Variants in APC observed in about 807,000 individuals in gnomAD.
APC encodes APC regulator of Wnt signaling pathway, also known as adenomatous polyposis coli protein.
A neutral mutation model predicts 247.0 loss-of-function variants in APC; 72 were observed. The ratio of observed to expected loss-of-function variants is 0.29; its 90% CI spans 0.24 to 0.35. APC has a LOEUF of 0.35. Ranked by LOEUF, APC falls within the 10% of genes least tolerant of loss-of-function variation. The pLI, the probability that APC is intolerant of heterozygous loss-of-function variation, is 1.00. For missense variants in APC, 3,400 were observed against 3,360.7 expected (o/e 1.01, Z -0.29); for synonymous variants, 1,254 against 1,162.5 (o/e 1.08, Z -1.60).
At chr5:112,784,731 C>G (rs560462562) in intron 6 of APC, among the ~76,000 whole-genome samples, 1 of 152,082 alleles carries the variant, frequency 6.6e-6, no homozygotes, top group East Asian at 1.9e-4. Context: ...TATGGGATCT[C>G]ATTTGCAAGG....
intron 2 of APC, among the ~76,000 whole-genome samples, chr5:112,758,148 T>TA (rs1755200873): frequency 6.6e-6 from 1 of 152,116 alleles, no homozygotes; most frequent in South Asian, 2.1e-4. Flanking sequence ...CATACTTAGG[T>TA]ATATGTTTGA....
chr5:112,757,142 A>C (rs1342354144), intron 2 of APC, among the ~76,000 whole-genome samples: 6 of 152,194 alleles, frequency 3.9e-5, no homozygotes, highest in Admixed American at 3.9e-4. Context: ...CATCTTGTGA[A>C]TCCATTAACA....
At chr5:112,757,535 C>A (rs1173400419) in intron 2 of APC, among the ~76,000 whole-genome samples, 1 of 152,052 alleles carries the variant, frequency 6.6e-6, no homozygotes, top group Non-Finnish European at 1.5e-5. Flanking sequence ...GAATTTGAGA[C>A]CAGCCTGGGC....
At chr5:112,754,824 C>T (rs1257563861) in intron 1 of APC, 49 bp from the exon 2 acceptor site, 1 of 1,579,928 alleles carries the variant, frequency 6.3e-7, no homozygotes, top group Non-Finnish European at 8.7e-7. Context: ...AAACAAGCAG[C>T]CACTAAATTT....
At position 112,840,813 on chromosome 5, in the gene APC, C is replaced by G; in HGVS notation, c.5219C>G (p.Pro1740Arg). ...ATGCCCAAAGGGAAAAGTCACAAGC[C>G]TTTCCGTGTGAAAAAGATAATGGAC... ...SAMPKGKSHK[P>R]FRVKKIMDQV... is the part of the protein sequence containing the mutation. The change falls in exon 16 of 16, where the codon CCT becomes CGT. Residue 1740 changes from proline to arginine, a missense_variant. Around this residue, in one of 9 missense-constraint regions of APC, gnomAD observed 1,788 missense variants for 1,649.5 expected, o/e 1.08. Coordinates refer to ENST00000257430, the MANE Select transcript of APC (RefSeq NM_000038.6). This position sits in a 1 kb window ranked among gnomAD's most constrained non-coding sequence, Gnocchi z 4.1. The G allele has an allele frequency of 6.2e-7, 1 of 1,614,082 alleles. No homozygotes were observed. Among genetic ancestry groups the G allele is most frequent in the Non-Finnish European group, 8.5e-7 (1 of 1,179,972 alleles).
chr5:112,714,916 T>C lies in APC; in HGVS notation c.165+7034T>C, dbSNP rs577091210. On this transcript the variant is annotated intron_variant, in intron 1 of 13. Coordinates refer to the APC transcript ENST00000507379. ...GATAACTGTTTATGGAATTAGTGAA[T>C]GATTTTGTGCTTACTACAGAAAGGA... Among the ~76,000 whole-genome samples, 9 of 152,328 alleles carry C rather than the reference T, an allele frequency of 5.9e-5. No individual in the cohort carries two copies. The East Asian group carries it at 1.5e-3, about 26-fold the overall frequency.
In APC at chr5:112,843,766, C is replaced by G. The variant is rs2150000409; in HGVS notation, c.8172C>G (p.Ser2724=). 6.2e-7 allele frequency: 1 copy of G among 1,613,952 alleles called. No homozygotes were observed. The highest frequency in any genetic ancestry group is 8.5e-7 in the Non-Finnish European group (1 of 1,179,846). ...TGGGTTTGGAAAATCGCCTGAACTCCTTTATTCAGGTGGATGCCCCTGACC... is the reference window on the plus strand; with the variant it reads ...TGGGTTTGGAAAATCGCCTGAACTCGTTTATTCAGGTGGATGCCCCTGACC... ...RTVGLENRLN[S]FIQVDAPDQK... The change falls in exon 16 of 16, where the codon TCC becomes TCG. Residue 2724 remains serine (S), a synonymous_variant. Transcript: ENST00000257430. The surrounding 1 kb of genome is among the most constrained non-coding windows in gnomAD (Gnocchi z 4.8).
At chr5:112,829,100 A>T (rs1444096575) in intron 14 of APC, 128 bp downstream of exon 14, 3 of 702,792 alleles carry the variant, frequency 4.3e-6, no homozygotes, top group Non-Finnish European at 7.6e-6. Context: ...TATGAATTTC[A>T]TGTTTAGCTT....
At chr5:112,725,162 A>G (rs1341735751) in intron 1 of APC, among the ~76,000 whole-genome samples, 1 of 151,952 alleles carries the variant, frequency 6.6e-6, no homozygotes, top group South Asian at 2.1e-4. Flanking sequence ...TAGTAGAGAC[A>G]GAGTTTCACT....
chr5:112,840,668 A>G lies in APC; in HGVS notation c.5074A>G (p.Thr1692Ala), dbSNP rs1027003095. 6.2e-7 allele frequency: 1 copy of G among 1,614,054 alleles called. No individual in the cohort carries two copies. The highest frequency in any genetic ancestry group is 2.2e-5 in the East Asian group (1 of 44,880). The stretch of plus-strand genomic sequence containing the variant: ...ATTTGAAAAACGAGATACCATTCCT[A>G]CAGAAGGCAGAAGTACAGATGAGGC... ...GEFEKRDTIPTEGRSTDEAQG... is the reference protein window; with the variant it reads ...GEFEKRDTIPAEGRSTDEAQG... Residue 1692 changes from threonine (T) to alanine (A), a missense_variant, in exon 16 of 16, where the codon ACA (threonine) becomes GCA (alanine). Thr to Ala is a moderately conservative substitution (Grantham distance 58). Around this residue, in one of 9 missense-constraint regions of APC, gnomAD observed 1,788 missense variants for 1,649.5 expected, o/e 1.08. Transcript: ENST00000257430. The surrounding 1 kb of genome is among the most constrained non-coding windows in gnomAD (Gnocchi z 4.1).
intron 2 of APC, among the ~76,000 whole-genome samples, chr5:112,757,338 C>G (rs1207888242): frequency 6.6e-6 from 1 of 152,082 alleles, no homozygotes; most frequent in Non-Finnish European, 1.5e-5. Flanking sequence ...TAAAATTAAT[C>G]CACACAATGG....
chr5:112,811,196 C>G (rs1761950682), intron 8 of APC, among the ~76,000 whole-genome samples: 1 of 152,174 alleles, frequency 6.6e-6, no homozygotes, highest in African/African-American at 2.4e-5. Flanking sequence ...GTGTCTCACA[C>G]ATTTGGACAC....
rs985301171 is a variant in APC at position 112,795,866 on chromosome 5, A to G, written c.729+3337A>G. Among the ~76,000 whole-genome samples, 117 of 152,224 alleles carry G rather than the reference A, an allele frequency of 7.7e-4. 7 individuals are homozygous for G. Among genetic ancestry groups the G allele is most frequent in the Non-Finnish European group, 4.4e-5 (3 of 68,036 alleles). On this transcript the variant is annotated intron_variant, in intron 7 of 15. Transcript: ENST00000257430. ...ACCCAGGGGATATAATACAAGAGAA[A>G]GAGATGAGTGAAACTACAGAGTAAA...
intron 5 of APC, among the ~76,000 whole-genome samples, chr5:112,777,267 T>TATAC (rs1428141882): frequency 1.3e-5 from 2 of 152,066 alleles, no homozygotes; most frequent in Non-Finnish European, 2.9e-5. Context: ...GCATTTTCTT[T>TATAC]ATACACACAC....
chr5:112,741,816 CT>C (rs377633531), intron 1 of APC, among the ~76,000 whole-genome samples: 180 of 152,136 alleles, frequency 1.2e-3, no homozygotes, highest in African/African-American at 4.0e-3. Context: ...CACCACTCCA[CT>C]TTTTGTCTCA....
intron 6 of APC, among the ~76,000 whole-genome samples, chr5:112,782,767 TA>T (rs1758489496): frequency 1.3e-5 from 2 of 152,066 alleles, no homozygotes; most frequent in African/African-American, 4.8e-5. Context: ...AAAAGACCAA[TA>T]AGTTTACTGT....
At chr5:112,796,043 C>G (rs1000316446) in intron 7 of APC, among the ~76,000 whole-genome samples, 1 of 152,148 alleles carries the variant, frequency 6.6e-6, no homozygotes, top group Non-Finnish European at 1.5e-5. Flanking sequence ...GAAATTTACA[C>G]AGTAGGAGAG....
At chr5:112,733,258 G>C (rs140819783), upstream of APC, among the ~76,000 whole-genome samples, 598 of 152,316 alleles carry the variant, frequency 3.9e-3, 5 homozygotes, top group Non-Finnish European at 3.5e-3. Flanking sequence ...ACAAATGTCT[G>C]CTTCCTAGTC....
chr5:112,769,103 G>A (rs1159385019), intron 4 of APC, among the ~76,000 whole-genome samples: 3 of 129,460 alleles, frequency 2.3e-5, no homozygotes, highest in Non-Finnish European at 3.1e-5. Context: ...CCAGGCTAGA[G>A]TGCAGTGGCG....
Sources: gnomAD v4.1 joint callset for allele counts (sites outside exome capture counted in the v4.1 genomes callset) on GRCh38, gnomAD v4.1.1 for gene constraint, gnomAD v4.1.1 regional missense constraint, Gnocchi (gnomAD v3.1) non-coding constraint, MANE v1.5 for transcripts, NCBI Gene and HGNC (gene_info 2026-07-23, HGNC 2026-07-21) for gene names.